The following PDE4D variants were observed in gnomAD, a reference collection of about 807,000 sequenced individuals.
PDE4D encodes phosphodiesterase 4D.
A neutral mutation model predicts 87.4 loss-of-function variants in PDE4D; 24 were observed. That is an observed-to-expected ratio of 0.27 (90% confidence interval 0.20 to 0.39). The LOEUF is 0.39. Among genes scored for constraint, PDE4D ranks in the 10% least tolerant of loss-of-function variants. PDE4D has a pLI of 1.00. For synonymous variants in PDE4D, 384 were observed against 383.2 expected (o/e 1.00, Z -0.02); for missense variants, 714 against 1,041.0 (o/e 0.69, Z 4.32).
chr5:60,521,869 G>A (rs1751050550), intron 1 of PDE4D: 1 of 151,180 alleles, frequency 6.6e-6, no homozygotes, highest in Admixed American at 6.6e-5. Context: ...CTCAGCCTAA[G>A]CAGCATGTTT....
intron 1 of PDE4D, among the ~76,000 whole-genome samples, chr5:60,423,899 C>A (rs1365242444): frequency 6.6e-6 from 1 of 152,172 alleles, no homozygotes; most frequent in African/African-American, 2.4e-5. Flanking sequence ...TCAGAGAATA[C>A]TATAAACACC....
chr5:60,325,250 G>A (rs74738631), intron 1 of PDE4D, among the ~76,000 whole-genome samples: 5 of 152,176 alleles, frequency 3.3e-5, no homozygotes, highest in African/African-American at 1.2e-4. Context: ...AGGTTCTTCT[G>A]GGACAGAAGA....
Position 58,977,210 on chromosome 5 carries a change from C to T in PDE4D, c.1688G>A (p.Arg563Lys). 2 of 1,610,966 alleles carry T rather than the reference C, an allele frequency of 1.2e-6. No individual in the cohort carries two copies. Among genetic ancestry groups the T allele is most frequent in the Non-Finnish European group, 1.7e-6 (2 of 1,179,042 alleles). The change falls in exon 12 of 15, where the codon AGG (arginine) becomes AAG (lysine). Residue 563 changes from arginine to lysine, a missense_variant. Physicochemically the swap from Arg to Lys is conservative, Grantham distance 26. Transcript: ENST00000340635. ...ACTTACGATGTCAATGACCATTTTC[C>T]TTAAAGATTGTCTTTGTTTTTTGGT... ...NLTKKQRQSL[R>K]KMVIDIVLAT...
chr5:59,112,162 C>CTT (rs776452177), intron 5 of PDE4D, among the ~76,000 whole-genome samples: 1 of 151,968 alleles, frequency 6.6e-6, no homozygotes, highest in Non-Finnish European at 1.5e-5. Context: ...CCCTAAGATA[C>CTT]CGGGGGAAAG....
intron 1 of PDE4D, among the ~76,000 whole-genome samples, chr5:60,355,876 G>T (rs1004414210): frequency 6.6e-6 from 1 of 152,004 alleles, no homozygotes; most frequent in African/African-American, 2.4e-5. Flanking sequence ...GAAGAGAAGG[G>T]GTTGGTCTTA....
At chr5:59,453,269 T>C (rs1799430598) in intron 1 of PDE4D, among the ~76,000 whole-genome samples, 1 of 152,102 alleles carries the variant, frequency 6.6e-6, no homozygotes, top group Non-Finnish European at 1.5e-5. Context: ...TCCTCAGTCC[T>C]CCCCATCCCT....
At chr5:60,159,151 T>C (rs1203002241) in intron 2 of PDE4D, among the ~76,000 whole-genome samples, 1 of 152,166 alleles carries the variant, frequency 6.6e-6, no homozygotes, top group Non-Finnish European at 1.5e-5. Flanking sequence ...CTACACAGGA[T>C]AAGGATCATC....
rs3061466 is a variant in PDE4D at position 59,181,543 on chromosome 5, GATAT to G, written c.759-903_759-900del. On this transcript the variant is annotated intron_variant, in intron 4 of 14. Transcript: ENST00000340635. ...CTTTTAGATACATTCAAAGATGTCT[GATAT>G]ATATATATATATATATATATATATT... Among the ~76,000 whole-genome samples the G allele has an allele frequency of 7.7e-4, 91 of 118,902 alleles. 3 individuals carry two copies. Among genetic ancestry groups the G allele is most frequent in the African/African-American group, 3.1e-3 (82 of 26,400 alleles). 78.0% of individuals were successfully genotyped at this position (118,902 alleles called of 152,430 possible).
chr5:60,014,891 A>G (rs1238426069), intron 2 of PDE4D, among the ~76,000 whole-genome samples: 1 of 152,240 alleles, frequency 6.6e-6, no homozygotes, highest in Non-Finnish European at 1.5e-5. Context: ...GAGAGTCAAC[A>G]GGCACTGAAA....
chr5:60,124,307 T>C (rs1288818138), intron 2 of PDE4D, among the ~76,000 whole-genome samples: 1 of 152,174 alleles, frequency 6.6e-6, no homozygotes, highest in Non-Finnish European at 1.5e-5. Flanking sequence ...GATTATTTCT[T>C]ACAATATTTC....
intron 11 of PDE4D, among the ~76,000 whole-genome samples, chr5:58,984,039 ACACTC>A (rs1745848078): frequency 6.6e-6 from 1 of 150,796 alleles, no homozygotes; most frequent in African/African-American, 2.4e-5. Context: ...AGTAAGACTT[ACACTC>A]ACTGTTCTTA....
chr5:60,409,974 C>T (rs1741907225), intron 1 of PDE4D, among the ~76,000 whole-genome samples: 1 of 152,174 alleles, frequency 6.6e-6, no homozygotes, highest in Admixed American at 6.5e-5. Context: ...AGGATTTCTG[C>T]CCCATTCCTG....
intron 5 of PDE4D, among the ~76,000 whole-genome samples, chr5:59,151,176 C>T (rs1357392461): frequency 6.6e-6 from 1 of 152,036 alleles, no homozygotes. Context: ...TGATGAGGGA[C>T]GTTTGTGAAT....
At chr5:59,051,958 C>CATTT (rs10636912) in intron 5 of PDE4D, among the ~76,000 whole-genome samples, 1 of 151,628 alleles carries the variant, frequency 6.6e-6, no homozygotes, top group East Asian at 1.9e-4. Flanking sequence ...TTCTTTCTCT[C>CATTT]TTTTTCCCCC....
At chr5:59,422,734 C>A (rs1202632673) in intron 1 of PDE4D, among the ~76,000 whole-genome samples, 1 of 152,184 alleles carries the variant, frequency 6.6e-6, no homozygotes, top group Non-Finnish European at 1.5e-5. Context: ...TCCAAGTACT[C>A]TAACAATTCT....
At chr5:59,546,980 T>C (rs1257850956) in intron 1 of PDE4D, among the ~76,000 whole-genome samples, 1 of 152,180 alleles carries the variant, frequency 6.6e-6, no homozygotes, top group East Asian at 1.9e-4. Context: ...CAGTACAGCA[T>C]AACCAACAAC....
chr5:60,238,601 G>C (rs1746696732), intron 1 of PDE4D, among the ~76,000 whole-genome samples: 1 of 151,758 alleles, frequency 6.6e-6, no homozygotes. Flanking sequence ...GCATTTACTT[G>C]ATTACTAGTG....
At chr5:60,180,946 C>T (rs1395355280) in intron 2 of PDE4D, among the ~76,000 whole-genome samples, 11 of 152,040 alleles carry the variant, frequency 7.2e-5, no homozygotes, top group Non-Finnish European at 1.6e-4. Context: ...TTGTCAATCT[C>T]GTAGCTTAGG....
chr5:59,112,081 A>T (rs112151008), intron 5 of PDE4D, among the ~76,000 whole-genome samples: 8 of 152,192 alleles, frequency 5.3e-5, no homozygotes, highest in Non-Finnish European at 1.2e-4. Context: ...CGATGCATTT[A>T]AAAAATGGGA....
Sources: gnomAD v4.1 joint callset for allele counts (sites outside exome capture counted in the v4.1 genomes callset) on GRCh38, gnomAD v4.1.1 for gene constraint, MANE v1.5 for transcripts, NCBI Gene and HGNC (gene_info 2026-07-23, HGNC 2026-07-21) for gene names.